STIL: variants seen among roughly 807,000 people sequenced by gnomAD.
STIL encodes the protein STIL centriolar assembly protein, also known as SCL-interrupting locus protein.
Under a neutral mutation model 110.1 loss-of-function variants are expected in STIL, and 55 were observed. The ratio of observed to expected loss-of-function variants is 0.50; its 90% CI spans 0.40 to 0.63. STIL has a LOEUF of 0.63. Ranked by LOEUF, STIL falls within the 20% of genes least tolerant of loss-of-function variation. STIL has a pLI of 0.00. For synonymous variants in STIL, 481 were observed against 530.0 expected, an observed-to-expected ratio of 0.91 and a Z score of 1.27; for missense variants, 1,358 against 1,530.0, an observed-to-expected ratio of 0.89 and a Z score of 1.87.
At chr1:47,283,067 C>CCAAATACT (rs1645195170) in intron 10 of STIL, 1 of 152,676 alleles carries the variant, frequency 6.5e-6, no homozygotes, top group African/African-American at 2.4e-5. Context: ...ATACTATATG[C>CCAAATACT]ATCAGGCTTT....
Position 47,251,153 on chromosome 1 carries a change from ACTGT to A in STIL, c.3846_3849del (p.Arg1282SerfsTer36), listed in dbSNP as rs1644170297. Reference sequence around the variant, plus strand: ...TTAAAAGGTTAAAATAATTTTGGTAACTGTCTGAGACGTTTTACATCTAAGAAGG... The same window carrying A: ...TTAAAAGGTTAAAATAATTTTGGTAACTGAGACGTTTTACATCTAAGAAGG... On this transcript the variant is annotated frameshift_variant, in exon 17 of 17. Coordinates refer to ENST00000371877, the MANE Select transcript of STIL (RefSeq NM_001048166.1). LOFTEE classifies it high-confidence loss of function. 1 of 1,613,926 alleles carries A rather than the reference ACTGT, an allele frequency of 6.2e-7. No individual in the cohort carries two copies. Among genetic ancestry groups the A allele is most frequent in the Non-Finnish European group, 8.5e-7 (1 of 1,179,964 alleles).
At chr1:47,260,682 C>A in intron 15 of STIL, 143 bp from the exon 16 acceptor site, 3 of 843,898 alleles carry the variant, frequency 3.6e-6, no homozygotes, top group East Asian at 2.6e-5. Context: ...AGACCCTGGG[C>A]AACACAGCGA....
intron 10 of STIL, chr1:47,283,024 G>A (rs887924391): frequency 6.5e-5 from 10 of 153,310 alleles, no homozygotes; most frequent in Non-Finnish European, 1.3e-4. Context: ...AGTTTTAAAA[G>A]CTGAAATTAG....
At chr1:47,276,692 C>T (rs1186800122) in intron 12 of STIL, among the ~76,000 whole-genome samples, 1 of 151,296 alleles carries the variant, frequency 6.6e-6, no homozygotes, top group Admixed American at 6.6e-5. Context: ...GCCTATAATC[C>T]CAGCTACTTG....
At chr1:47,290,458 C>A (rs1227790220) in intron 8 of STIL, among the ~76,000 whole-genome samples, 3 of 152,316 alleles carry the variant, frequency 2.0e-5, no homozygotes, top group Middle Eastern at 3.4e-3. Context: ...GTAATCCCAG[C>A]ACTTCGGGAG....
intron 5 of STIL, 53 bp downstream of exon 5, chr1:47,301,508 A>C: frequency 6.7e-7 from 1 of 1,491,194 alleles, no homozygotes; most frequent in African/African-American, 1.4e-5. Flanking sequence ...AGCATACTAA[A>C]CATAGTTTGA....
chr1:47,302,321 T>C lies in STIL; in HGVS notation c.178A>G (p.Lys60Glu). Residue 60 changes from lysine (K) to glutamate (E), a missense_variant, in exon 4 of 17, where the codon AAG becomes GAG. By Grantham distance (56) the Lys-to-Glu change is moderately conservative. Transcript: ENST00000371877. ...TGACGATAAGCAAGTCGGATGGTCT[T>C]CTCAGTCACCACAAGCTTTGGATTT... is the stretch of plus-strand genomic sequence containing the variant. ...YRNPKLVVTE[K>E]TIRLAYRHAK... is the part of the protein sequence containing the mutation. The C allele has an allele frequency of 6.2e-7, 1 of 1,614,164 alleles. No individual in the cohort carries two copies. The highest frequency in any genetic ancestry group is 8.5e-7 in the Non-Finnish European group (1 of 1,180,000).
At chr1:47,310,205 T>C (rs1018498602) in intron 2 of STIL, 71 bp downstream of exon 2, 1 of 1,465,290 alleles carries the variant, frequency 6.8e-7, no homozygotes, top group South Asian at 1.2e-5. Flanking sequence ...TATTCTTTTT[T>C]CTCTTCCAAC....
intron 3 of STIL, among the ~76,000 whole-genome samples, chr1:47,304,362 T>TAG (rs984270280): frequency 6.6e-6 from 1 of 151,958 alleles, no homozygotes; most frequent in Non-Finnish European, 1.5e-5. Flanking sequence ...CCTGTGTGAT[T>TAG]ACAGAAAAGC....
At chr1:47,305,029 A>G (rs1224567009) in intron 2 of STIL, 33 bp from the exon 3 acceptor site, 1 of 1,493,760 alleles carries the variant, frequency 6.7e-7, no homozygotes. Context: ...TTAAAGCACA[A>G]GGAATAGCAA....
chr1:47,263,825 T>C (rs1644557780), intron 14 of STIL, among the ~76,000 whole-genome samples: 1 of 145,822 alleles, frequency 6.9e-6, no homozygotes, highest in African/African-American at 2.6e-5. Context: ...TCATCTCGGC[T>C]GACTGTAACC....
chr1:47,256,947 G>C (rs1644347863), intron 16 of STIL, among the ~76,000 whole-genome samples: 1 of 152,062 alleles, frequency 6.6e-6, no homozygotes, highest in Non-Finnish European at 1.5e-5. Context: ...GGTGAGCCCA[G>C]ATCATGCCAC....
At chr1:47,310,079 A>G (rs1646077864) in intron 2 of STIL, among the ~76,000 whole-genome samples, 197 bp downstream of exon 2, 1 of 152,166 alleles carries the variant, frequency 6.6e-6, no homozygotes, top group Admixed American at 6.5e-5. Flanking sequence ...AGAGATTACC[A>G]TCCTCATTTT....
chr1:47,251,305 G>A lies in STIL; in HGVS notation c.3698C>T (p.Thr1233Ile), dbSNP rs1452100972. 1.2e-6 allele frequency: 2 copies of A among 1,613,858 alleles called. No homozygotes were observed. The highest frequency in any genetic ancestry group is 3.3e-5 in the Admixed American group (2 of 59,996). The change falls in exon 17 of 17, where the codon ACC becomes ATC. Residue 1233 changes from threonine (T) to isoleucine (I), a missense_variant. Physicochemically the swap from Thr to Ile is moderately conservative, Grantham distance 89. Coordinates refer to ENST00000371877, the MANE Select transcript of STIL (RefSeq NM_001048166.1). ...LKPSPAVNLR[T>I]GKAEFTQHPE... The stretch of plus-strand genomic sequence containing the variant: ...ATGTTGAGTGAACTCTGCTTTCCCG[G>A]TTCGAAGGTTCACTGCAGGACTTGG...
At position 47,302,363 on chromosome 1, in the gene STIL, CTTTTATGAA is replaced by C. The variant is rs748994227; in HGVS notation, c.153-26_153-18del. On this transcript the variant is annotated intron_variant, in intron 3 of 16. Transcript: ENST00000371877. ...TTTGGATTTCTGAAAAACAACAAGT[CTTTTATGAA>C]TATGGTAGACCTCATATCTTAAAAA... The C allele has an allele frequency of 7.6e-6, 12 of 1,588,820 alleles. No homozygotes were observed. The South Asian group carries it at 1.3e-4, about 18-fold the overall frequency.
In STIL at chr1:47,310,357, A is replaced by G. The variant is rs779455162; in HGVS notation, c.-38T>C. 7.0e-6 allele frequency: 11 copies of G among 1,574,568 alleles called. No homozygotes were observed. In the South Asian group the frequency reaches 1.2e-4, roughly 17 times the overall value. On this transcript the variant is annotated 5_prime_UTR_variant, in exon 2 of 17. Coordinates refer to ENST00000371877, the MANE Select transcript of STIL (RefSeq NM_001048166.1). ...ATGATTTCTTTAATTCCAAATCCTC[A>G]GTATCCTAAAGAATTAAAGAGAATA...
At chr1:47,307,613 C>T (rs1170603258) in intron 2 of STIL, among the ~76,000 whole-genome samples, 1 of 152,080 alleles carries the variant, frequency 6.6e-6, no homozygotes, top group Non-Finnish European at 1.5e-5. Flanking sequence ...GCGTTAACTA[C>T]ACAAATTGTA....
chr1:47,310,836 G>C (rs1401565373), intron 1 of STIL, among the ~76,000 whole-genome samples: 1 of 152,122 alleles, frequency 6.6e-6, no homozygotes, highest in East Asian at 1.9e-4. Flanking sequence ...AAACTGACTT[G>C]TGTCAGTGAA....
intron 14 of STIL, among the ~76,000 whole-genome samples, chr1:47,266,713 A>C (rs1235118008): frequency 1.3e-5 from 2 of 152,188 alleles, no homozygotes; most frequent in Non-Finnish European, 1.5e-5. Flanking sequence ...CAAGTCCAAG[A>C]CATCTTCATC....
Sources: gnomAD v4.1 joint callset for allele counts (sites outside exome capture counted in the v4.1 genomes callset) on GRCh38, gnomAD v4.1.1 for gene constraint, MANE v1.5 for transcripts, NCBI Gene and HGNC (gene_info 2026-07-23, HGNC 2026-07-21) for gene names.